Variants in ASIC2 observed in about 807,000 individuals in gnomAD.
ASIC2 encodes acid-sensing ion channel 2.
Under a neutral mutation model 57.3 loss-of-function variants are expected in ASIC2, and 25 were observed. The observed-to-expected ratio is 0.44, with a 90% confidence interval of 0.32 to 0.61. The LOEUF (loss-of-function observed/expected upper bound fraction) is 0.61, where lower values mean the gene tolerates loss of function less well. ASIC2 is among the 20% of genes least tolerant of loss of function. The pLI, the probability that ASIC2 is intolerant of heterozygous loss-of-function variation, is 0.06. For missense variants in ASIC2, 641 were observed against 738.1 expected (o/e 0.87, Z 1.52); for synonymous variants, 319 against 307.5 (o/e 1.04, Z -0.39).
chr17:33,553,079 G>T (rs1012379827), intron 1 of ASIC2, among the ~76,000 whole-genome samples: 1 of 152,144 alleles, frequency 6.6e-6, no homozygotes, highest in Non-Finnish European at 1.5e-5. Context: ...GACTCCTAGA[G>T]TTCTGGCAAT....
intron 1 of ASIC2, among the ~76,000 whole-genome samples, chr17:33,211,096 A>T (rs988230714): frequency 2.3e-5 from 3 of 132,236 alleles, no homozygotes; most frequent in African/African-American, 8.8e-5. Context: ...AGGCTTGAAG[A>T]ACAAAGAGGA....
intron 1 of ASIC2, among the ~76,000 whole-genome samples, chr17:33,424,325 T>C (rs1911143720): frequency 6.6e-6 from 1 of 152,186 alleles, no homozygotes; most frequent in Non-Finnish European, 1.5e-5. Flanking sequence ...GAAAAGCTGT[T>C]ATAAATGGTC....
intron 1 of ASIC2, among the ~76,000 whole-genome samples, chr17:33,305,588 G>A (rs1371076504): frequency 2.0e-5 from 3 of 152,110 alleles, no homozygotes; most frequent in Non-Finnish European, 4.4e-5. Context: ...TAATGTTGGG[G>A]CAAACTCCAC....
intron 1 of ASIC2, among the ~76,000 whole-genome samples, chr17:33,265,017 G>A (rs1909411887): frequency 6.6e-6 from 1 of 152,222 alleles, no homozygotes; most frequent in African/African-American, 2.4e-5. Context: ...TTCACTGGAG[G>A]AGAATAAAGA....
At chr17:33,031,065 A>G (rs8074010) in intron 3 of ASIC2, among the ~76,000 whole-genome samples, 21,376 of 152,040 alleles carry the variant, frequency 0.14, 1,606 homozygotes, top group South Asian at 0.18. Context: ...AATTTTTTGA[A>G]TTTGTACGGA....
At chr17:34,123,788 T>C (rs1598037972) in intron 1 of ASIC2, among the ~76,000 whole-genome samples, 1 of 152,218 alleles carries the variant, frequency 6.6e-6, no homozygotes, top group East Asian at 1.9e-4. Context: ...TTTTTAAAAA[T>C]AGTAAGTTAC....
chr17:33,712,162 C>T (rs189617363), intron 1 of ASIC2, among the ~76,000 whole-genome samples: 5 of 152,296 alleles, frequency 3.3e-5, no homozygotes, highest in Admixed American at 2.6e-4. Flanking sequence ...AGGGGAGTTT[C>T]ACTGAACCAC....
At position 33,226,456 on chromosome 17, in the gene ASIC2, T is replaced by C. The variant is rs1907883070; in HGVS notation, c.708+64952A>G. Among the ~76,000 whole-genome samples the C allele has an allele frequency of 2.6e-5, 4 of 152,168 alleles. No homozygotes were observed. The South Asian group carries it at 8.3e-4, about 32-fold the overall frequency. ...CTATAACATAGCTAAAATTATAATT[T>C]TGAGGCCACAGAAAATCACTATGGT... is the stretch of plus-strand genomic sequence containing the variant. On this transcript the variant is annotated intron_variant, in intron 1 of 9. Coordinates refer to ENST00000225823, the MANE Select transcript of ASIC2 (RefSeq NM_183377.2).
chr17:33,693,730 C>A (rs903055399), intron 1 of ASIC2, among the ~76,000 whole-genome samples: 1 of 152,134 alleles, frequency 6.6e-6, no homozygotes, highest in Non-Finnish European at 1.5e-5. Context: ...CTGGGGCGTA[C>A]TTTGAGGGGC....
intron 1 of ASIC2, among the ~76,000 whole-genome samples, chr17:33,907,501 T>C (rs1410376043): frequency 6.6e-6 from 1 of 152,164 alleles, no homozygotes; most frequent in East Asian, 1.9e-4. Flanking sequence ...CTCTTTGTCA[T>C]CTAGTTTTGC....
chr17:33,896,677 C>A (rs1915107668), intron 1 of ASIC2, among the ~76,000 whole-genome samples: 1 of 152,226 alleles, frequency 6.6e-6, no homozygotes, highest in Admixed American at 6.5e-5. Flanking sequence ...TCCAACCTCA[C>A]CATGACAGAG....
chr17:33,680,176 T>G (rs1034024338), intron 1 of ASIC2, among the ~76,000 whole-genome samples: 23 of 152,216 alleles, frequency 1.5e-4, no homozygotes, highest in African/African-American at 5.5e-4. Flanking sequence ...TTCTTGGGCC[T>G]TCTCCCCATT....
chr17:33,582,472 G>T (rs1044313579), intron 1 of ASIC2, among the ~76,000 whole-genome samples: 12 of 152,086 alleles, frequency 7.9e-5, no homozygotes, highest in African/African-American at 2.9e-4. Context: ...GGAGTCTGAG[G>T]TCTAATCTCA....
intron 1 of ASIC2, among the ~76,000 whole-genome samples, chr17:33,570,271 C>G (rs950510140): frequency 1.3e-5 from 2 of 152,200 alleles, no homozygotes; most frequent in African/African-American, 4.8e-5. Context: ...AAGACTATTG[C>G]CTTTGACTCT....
At chr17:33,546,236 C>T (rs965187819) in intron 1 of ASIC2, among the ~76,000 whole-genome samples, 3 of 151,584 alleles carry the variant, frequency 2.0e-5, no homozygotes, top group South Asian at 2.1e-4. Flanking sequence ...CAAATAGACA[C>T]AATCACATAT....
chr17:33,160,431 C>T (rs1449018293), intron 1 of ASIC2, among the ~76,000 whole-genome samples: 1 of 152,182 alleles, frequency 6.6e-6, no homozygotes, highest in Non-Finnish European at 1.5e-5. Context: ...CCCAACACCA[C>T]CTTCAGGGCT....
Position 33,033,379 on chromosome 17 carries a change from C to T in ASIC2, c.988-4987G>A, listed in dbSNP as rs556122435. Among the ~76,000 whole-genome samples the T allele has an allele frequency of 2.4e-4, 36 of 152,330 alleles. 1 individual carries two copies. The Middle Eastern group carries it at 0.01, about 43-fold the overall frequency. On this transcript the variant is annotated intron_variant, in intron 3 of 9. Coordinates refer to ENST00000225823, the MANE Select transcript of ASIC2 (RefSeq NM_183377.2). ...GGTGCAGCTGCAACTGCGGCACCCA[C>T]GGCTGCAGACCTGGGCCTCTCACTC...
chr17:33,961,103 C>T (rs977710916), intron 1 of ASIC2, among the ~76,000 whole-genome samples: 1 of 152,052 alleles, frequency 6.6e-6, no homozygotes, highest in Admixed American at 6.6e-5. Flanking sequence ...AAGAGAAAGG[C>T]ACAGGGAAGG....
At chr17:34,099,781 A>G (rs8067266) in intron 1 of ASIC2, among the ~76,000 whole-genome samples, 16 of 66,050 alleles carry the variant, frequency 2.4e-4, no homozygotes, top group African/African-American at 8.3e-4. Flanking sequence ...AAAGAAAGAA[A>G]GAAAGAAAGA....
Sources: allele counts gnomAD v4.1 joint callset (sites outside exome capture counted in the v4.1 genomes callset), GRCh38; gene constraint gnomAD v4.1.1; transcripts MANE v1.5; gene names NCBI Gene and HGNC (gene_info 2026-07-23, HGNC 2026-07-21).